Variants in FCHO1 observed in about 807,000 individuals in gnomAD.
The protein encoded by FCHO1 is F-BAR domain only protein 1.
Under a neutral mutation model 114.4 loss-of-function variants are expected in FCHO1, and 45 were observed. The ratio of observed to expected loss-of-function variants is 0.39; its 90% CI spans 0.31 to 0.50. FCHO1 has a LOEUF of 0.50. FCHO1 is among the 20% of genes least tolerant of loss of function. The pLI is 0.77. For missense variants in FCHO1, 1,042 were observed against 1,209.6 expected, an observed-to-expected ratio of 0.86 and a Z score of 2.06; for synonymous variants, 480 against 488.9, an observed-to-expected ratio of 0.98 and a Z score of 0.24.
At chr19:17,754,571 C>T (rs2082858563) in intron 2 of FCHO1, 21 bp from the exon 3 acceptor site, 1 of 156,460 alleles carries the variant, frequency 6.4e-6, no homozygotes, top group Non-Finnish European at 1.4e-5. Flanking sequence ...ATCTATTTCT[C>T]TTCAAACCCT....
At chr19:17,786,836 T>A (rs1441971048) in intron 27 of FCHO1, among the ~76,000 whole-genome samples, 1 of 151,776 alleles carries the variant, frequency 6.6e-6, no homozygotes, top group Non-Finnish European at 1.5e-5. Context: ...CAGGATCACT[T>A]GAGTCCAGCA....
At chr19:17,761,633 CATAT>C (rs55848959) in intron 4 of FCHO1, among the ~76,000 whole-genome samples, 18 of 142,624 alleles carry the variant, frequency 1.3e-4, no homozygotes, top group South Asian at 4.5e-4. Context: ...CATGTATATA[CATAT>C]ATATATATAT....
chr19:17,755,802 C>A (rs1049025033), intron 4 of FCHO1, among the ~76,000 whole-genome samples: 32 of 152,158 alleles, frequency 2.1e-4, no homozygotes, highest in African/African-American at 5.3e-4. Flanking sequence ...TCTGGGGGAC[C>A]CAGAGCCAGC....
chr19:17,781,861 G>A (rs1347554914), intron 23 of FCHO1, 41 bp downstream of exon 23: 1 of 1,355,942 alleles, frequency 7.4e-7, no homozygotes, highest in African/African-American at 1.4e-5. Flanking sequence ...GGAAGTCTGT[G>A]TTGGGGGAGT....
At chr19:17,754,009 G>T (rs532279795) in intron 1 of FCHO1, among the ~76,000 whole-genome samples, 2 of 152,300 alleles carry the variant, frequency 1.3e-5, no homozygotes, top group South Asian at 2.1e-4. Flanking sequence ...CACAGAGAGG[G>T]GCAGCCTTGC....
Position 17,778,759 on chromosome 19 carries a change from G to T in FCHO1, c.1502G>T (p.Ser501Ile). 1 of 1,538,958 alleles carries T rather than the reference G, an allele frequency of 6.5e-7. No homozygotes were observed. Among genetic ancestry groups the T allele is most frequent in the South Asian group, 1.2e-5 (1 of 84,184 alleles). The change falls in exon 20 of 29, where the codon AGC becomes ATC. Residue 501 changes from serine (S) to isoleucine (I), a missense_variant. Physicochemically the swap from Ser to Ile is moderately radical, Grantham distance 142. Around this residue, in one of 3 missense-constraint regions of FCHO1, gnomAD observed 455 missense variants for 455.4 expected, o/e 1.00. Coordinates refer to ENST00000596536, the MANE Select transcript of FCHO1 (RefSeq NM_015122.3). ...SWVPRPGTPQ[S>I]PPSCRAPPPE... The stretch of plus-strand genomic sequence containing the variant: ...GTCCCCCGCCCAGGCACCCCGCAGA[G>T]CCCGCCCAGCTGTAGGGCGCCACCC...
Position 17,772,698 on chromosome 19 carries a change from C to T in FCHO1, c.747C>T (p.Leu249=), listed in dbSNP as rs1173083694. 1.9e-6 allele frequency: 3 copies of T among 1,614,136 alleles called. No individual in the cohort carries two copies. Among genetic ancestry groups the T allele is most frequent in the Non-Finnish European group, 2.5e-6 (3 of 1,180,030 alleles). ...NIENVSVEML[L]RKFAESKGTG... Reference sequence around the variant, plus strand: ...AGAACGTCAGCGTGGAGATGCTACTCAGGAAGTTTGCAGAGAGTAAGGGCA... The same window carrying T: ...AGAACGTCAGCGTGGAGATGCTACTTAGGAAGTTTGCAGAGAGTAAGGGCA... The change falls in exon 11 of 29, where the codon CTC becomes CTT. Residue 249 remains leucine, a synonymous_variant. Transcript: ENST00000596536.
At chr19:17,773,877 T>C (rs1472767332) in intron 11 of FCHO1, among the ~76,000 whole-genome samples, 2 of 149,126 alleles carry the variant, frequency 1.3e-5, no homozygotes, top group Non-Finnish European at 3.0e-5. Flanking sequence ...CCACCCTCAA[T>C]TTAGTTTCTT....
At chr19:17,785,657 C>A (rs1197996206) in intron 26 of FCHO1, among the ~76,000 whole-genome samples, 1 of 151,960 alleles carries the variant, frequency 6.6e-6, no homozygotes, top group Non-Finnish European at 1.5e-5. Flanking sequence ...TATGGTGAAA[C>A]CCCGTCTCTA....
At chr19:17,778,328 T>G (rs1252660010) in intron 19 of FCHO1, 100 bp downstream of exon 19, 2 of 988,354 alleles carry the variant, frequency 2.0e-6, no homozygotes, top group African/African-American at 3.4e-5. Context: ...GAAGCCAGGC[T>G]GGAGGGAGGA....
rs1450902356 is a variant in FCHO1, at chr19:17,776,671, C to T, written c.1244C>T (p.Ala415Val). 2 of 1,613,690 alleles carry T rather than the reference C, an allele frequency of 1.2e-6. No homozygotes were observed. The highest frequency in any genetic ancestry group is 1.7e-5 in the Admixed American group (1 of 60,004). Residue 415 changes from alanine to valine, a missense_variant, in exon 18 of 29, where the codon GCC becomes GTC. Around this residue, in one of 3 missense-constraint regions of FCHO1, gnomAD observed 455 missense variants for 455.4 expected, o/e 1.00. Coordinates refer to ENST00000596536, the MANE Select transcript of FCHO1 (RefSeq NM_015122.3). The surrounding 1 kb of genome is among the most constrained non-coding windows in gnomAD (Gnocchi z 4.4). Reference sequence around the variant, plus strand: ...GGGAAACCCCAGAGACCTCGGTCTGCCCCCAGAACCAGCAGGTGGGTTCCA... The same window carrying T: ...GGGAAACCCCAGAGACCTCGGTCTGTCCCCAGAACCAGCAGGTGGGTTCCA... ...AAGKPQRPRS[A>V]PRTSSCAERL...
upstream of FCHO1, among the ~76,000 whole-genome samples, chr19:17,748,796 G>A (rs1412815956): frequency 6.6e-6 from 1 of 152,168 alleles, no homozygotes; most frequent in Admixed American, 6.5e-5. Context: ...TGAAAATTGA[G>A]GTTGGGAGCT....
At chr19:17,764,354 T>A (rs746311456) in intron 5 of FCHO1, 21 bp from the exon 6 acceptor site, 1 of 1,612,970 alleles carries the variant, frequency 6.2e-7, no homozygotes, top group Middle Eastern at 1.7e-4. Context: ...TTCTCCATCT[T>A]TACCTCATTC....
At chr19:17,762,135 G>A (rs542054318) in intron 4 of FCHO1, among the ~76,000 whole-genome samples, 2 of 151,956 alleles carry the variant, frequency 1.3e-5, no homozygotes, top group East Asian at 1.9e-4. Flanking sequence ...ACAGGCACGC[G>A]CCACCACGCC....
intron 7 of FCHO1, among the ~76,000 whole-genome samples, chr19:17,769,619 AC>A (rs1568341642): frequency 1.2e-4 from 17 of 141,472 alleles, no homozygotes; most frequent in South Asian, 4.3e-4. Context: ...ACACACACAC[AC>A]ACACACACAC....
At chr19:17,786,737 T>C (rs534240699) in intron 27 of FCHO1, 108 bp downstream of exon 27, 2 of 1,227,596 alleles carry the variant, frequency 1.6e-6, no homozygotes, top group African/African-American at 1.5e-5. Context: ...CGGGCAAGTA[T>C]GGGCATTGAG....
chr19:17,762,000 T>TTC (rs1568326618), intron 4 of FCHO1, among the ~76,000 whole-genome samples: 16 of 99,970 alleles, frequency 1.6e-4, no homozygotes, highest in South Asian at 8.6e-4. Flanking sequence ...TTCATTCATT[T>TTC]ATTTTGAGAC....
chr19:17,788,435 C>T lies in FCHO1; in HGVS notation c.*129C>T, dbSNP rs561583247. On this transcript the variant is annotated 3_prime_UTR_variant, in exon 29 of 29. Coordinates refer to ENST00000596536, the MANE Select transcript of FCHO1 (RefSeq NM_015122.3). ...AGGCCCATACTCCACGGAGAGGAGC[C>T]CCATGCCCAGCCTGGCTGAGCCCGA... The T allele has an allele frequency of 8.8e-6, 6 of 681,790 alleles. No individual in the cohort carries two copies. In the South Asian group the frequency reaches 9.4e-5, roughly 11 times the overall value. The allele number at this position is 681,790 out of a possible 1,614,324, so 42.2% of individuals were successfully genotyped here.
chr19:17,748,926 C>T (rs1358820760), upstream of FCHO1, among the ~76,000 whole-genome samples: 1 of 152,116 alleles, frequency 6.6e-6, no homozygotes, highest in Non-Finnish European at 1.5e-5. Flanking sequence ...GTTTGGAGAC[C>T]CTCCCACAGT....
Sources: gnomAD v4.1 joint callset for allele counts (sites outside exome capture counted in the v4.1 genomes callset) on GRCh38, gnomAD v4.1.1 for gene constraint, gnomAD v4.1.1 regional missense constraint, Gnocchi (gnomAD v3.1) non-coding constraint, MANE v1.5 for transcripts, NCBI Gene and HGNC (gene_info 2026-07-23, HGNC 2026-07-21) for gene names.